Variants in ERBB4 observed in about 807,000 individuals in gnomAD.
ERBB4 encodes receptor tyrosine-protein kinase erbB-4.
In ERBB4, 42 loss-of-function variants were observed where a neutral mutation model predicts 158.0. That is an observed-to-expected ratio of 0.27 (90% CI 0.21 to 0.34). The LOEUF (loss-of-function observed/expected upper bound fraction) is 0.34, where lower values mean the gene tolerates loss of function less well. Among genes scored for constraint, ERBB4 ranks in the 10% least tolerant of loss-of-function variants. The probability of loss-of-function intolerance (pLI) is 1.00; values close to 1 mark genes in which losing one functional copy is unlikely to be tolerated. For missense variants in ERBB4, 1,333 were observed against 1,624.1 expected (o/e 0.82, Z 3.08); for synonymous variants, 583 against 558.7 (o/e 1.04, Z -0.61).
intron 20 of ERBB4, among the ~76,000 whole-genome samples, chr2:211,549,557 C>T (rs2067026680): frequency 6.6e-6 from 1 of 152,062 alleles, no homozygotes; most frequent in African/African-American, 2.4e-5. Context: ...TGATCGGGTA[C>T]AAGAGTTATG....
intron 2 of ERBB4, among the ~76,000 whole-genome samples, chr2:212,086,919 G>C (rs554756115): frequency 6.6e-6 from 1 of 152,056 alleles, no homozygotes; most frequent in African/African-American, 2.4e-5. Flanking sequence ...TCACATTCTA[G>C]ATAGGGTTAC....
intron 7 of ERBB4, among the ~76,000 whole-genome samples, chr2:211,717,784 G>A (rs138568418): frequency 0.059 from 8,951 of 152,088 alleles, 372 homozygotes; most frequent in Non-Finnish European, 0.09. Context: ...CCAAGATTGC[G>A]CCATTGCTCT....
chr2:212,293,235 A>G (rs2086274518), intron 1 of ERBB4, among the ~76,000 whole-genome samples: 1 of 152,030 alleles, frequency 6.6e-6, no homozygotes, highest in Non-Finnish European at 1.5e-5. Flanking sequence ...TGCTCATTGT[A>G]TAAGATTAAT....
chr2:211,481,378 CA>C (rs1286693934), intron 20 of ERBB4, among the ~76,000 whole-genome samples: 3 of 152,096 alleles, frequency 2.0e-5, no homozygotes, highest in African/African-American at 4.8e-5. Flanking sequence ...TGCTATTCTG[CA>C]TTCGTTTCTG....
rs1553528768 is a variant in ERBB4 at position 211,992,567 on chromosome 2, G to GAGGAAA, written c.235-44952_235-44951insTTTCCT. On this transcript the variant is annotated intron_variant, in intron 2 of 27. Coordinates refer to ENST00000342788, the MANE Select transcript of ERBB4 (RefSeq NM_005235.3). ...AGTGAGAGAGAGAGAGAGAGAGAGAGAAAAAAAAAAAAAACATGAGTTTGT... is the reference window on the plus strand; with the variant it reads ...AGTGAGAGAGAGAGAGAGAGAGAGAGAGGAAAAAAAAAAAAAAAAACATGAGTTTGT... Among the ~76,000 whole-genome samples, 48 of 125,250 alleles carry GAGGAAA rather than the reference G, an allele frequency of 3.8e-4. 3 individuals are homozygous for GAGGAAA. Among genetic ancestry groups the GAGGAAA allele is most frequent in the Admixed American group, 9.0e-4 (10 of 11,142 alleles). The allele number at this position is 125,250 out of a possible 152,430, so 82.2% of individuals were successfully genotyped here. A position where few individuals can be genotyped will look rare whatever the true frequency, so the allele number is the denominator to read the frequency against.
intron 9 of ERBB4, among the ~76,000 whole-genome samples, chr2:211,710,301 C>A (rs887894555): frequency 2.6e-5 from 4 of 152,046 alleles, no homozygotes; most frequent in Non-Finnish European, 5.9e-5. Context: ...CAATGTGAGT[C>A]AAGTGGCTCT....
In ERBB4 at chr2:212,357,751, C is replaced by G. The variant is rs191438153; in HGVS notation, c.82+180698G>C. 3.5e-3 allele frequency among the ~76,000 whole-genome samples: 538 copies of G among 151,898 alleles called. 2 individuals carry two copies. The highest frequency in any genetic ancestry group is 0.012 in the African/African-American group (508 of 41,494). Reference sequence around the variant, plus strand: ...GTGCTGCCCTCCACTGTGTGGGAGACTTGAAATTGTTCAGCCCCACGGTCA... The same window carrying G: ...GTGCTGCCCTCCACTGTGTGGGAGAGTTGAAATTGTTCAGCCCCACGGTCA... On this transcript the variant is annotated intron_variant, in intron 1 of 27. Transcript: ENST00000342788.
intron 3 of ERBB4, among the ~76,000 whole-genome samples, chr2:211,903,789 GA>G (rs1210226731): frequency 2.0e-4 from 28 of 141,106 alleles, no homozygotes; most frequent in Non-Finnish European, 2.3e-4. Context: ...AATTAAAAAA[GA>G]AAAAAAAAAG....
chr2:211,578,109 A>C (rs1392140513), intron 19 of ERBB4, among the ~76,000 whole-genome samples: 1 of 152,182 alleles, frequency 6.6e-6, no homozygotes, highest in Non-Finnish European at 1.5e-5. Context: ...GCGAAGTCTC[A>C]GGATATAAAA....
At chr2:212,419,794 C>A (rs1383905799) in intron 1 of ERBB4, among the ~76,000 whole-genome samples, 1 of 151,724 alleles carries the variant, frequency 6.6e-6, no homozygotes, top group African/African-American at 2.4e-5. Flanking sequence ...GAATTAACGT[C>A]CTATTCAATA....
At chr2:212,057,717 G>A (rs573577090) in intron 2 of ERBB4, among the ~76,000 whole-genome samples, 18 of 152,302 alleles carry the variant, frequency 1.2e-4, no homozygotes, top group African/African-American at 4.3e-4. Flanking sequence ...AAACAAAGAT[G>A]TTCTTTGAAA....
intron 21 of ERBB4, among the ~76,000 whole-genome samples, chr2:211,429,927 A>G (rs1452244263): frequency 1.3e-5 from 2 of 152,220 alleles, no homozygotes; most frequent in East Asian, 3.9e-4. Context: ...AGACAAGTGA[A>G]GCCATGTGAT....
At chr2:211,745,985 T>C (rs2074960892) in intron 5 of ERBB4, among the ~76,000 whole-genome samples, 1 of 152,276 alleles carries the variant, frequency 6.6e-6, no homozygotes, top group Admixed American at 6.5e-5. Flanking sequence ...TTTAGCCCTT[T>C]AATCATTTCC....
intron 20 of ERBB4, among the ~76,000 whole-genome samples, chr2:211,541,189 G>A (rs7579007): frequency 0.75 from 113,875 of 151,796 alleles, 43,033 homozygotes; most frequent in East Asian, 0.83. Flanking sequence ...GGCGCTCAAG[G>A]GATTTATGCT....
chr2:212,003,216 G>GAAAGAAAGAAACAGAAA (rs1491317567), intron 2 of ERBB4, among the ~76,000 whole-genome samples: 1 of 34,472 alleles, frequency 2.9e-5, no homozygotes, highest in African/African-American at 1.1e-4. Flanking sequence ...ACAGAAAGAA[G>GAAAGAAAGAAACAGAAA]GAAGGAAGGA....
At chr2:211,975,991 C>A (rs968188089) in intron 2 of ERBB4, among the ~76,000 whole-genome samples, 3 of 151,956 alleles carry the variant, frequency 2.0e-5, no homozygotes, top group African/African-American at 7.2e-5. Flanking sequence ...TTAAATAATT[C>A]TTGTATAACA....
chr2:212,152,565 A>G (rs985436126), intron 1 of ERBB4, among the ~76,000 whole-genome samples: 3 of 152,068 alleles, frequency 2.0e-5, no homozygotes, highest in African/African-American at 7.2e-5. Context: ...CTCTTAATCT[A>G]AATTTTCTCC....
intron 4 of ERBB4, among the ~76,000 whole-genome samples, chr2:211,756,089 C>T (rs941216474): frequency 2.6e-5 from 4 of 151,900 alleles, no homozygotes; most frequent in African/African-American, 7.3e-5. Context: ...TAAACCAGTC[C>T]CTATTCTTGG....
At chr2:211,913,375 G>A (rs1032011781) in intron 3 of ERBB4, among the ~76,000 whole-genome samples, 11 of 151,958 alleles carry the variant, frequency 7.2e-5, no homozygotes, top group South Asian at 2.1e-4. Context: ...TGAGGCGGGC[G>A]GATCACACTG....
Sources: gnomAD v4.1 joint callset for allele counts (sites outside exome capture counted in the v4.1 genomes callset) on GRCh38, gnomAD v4.1.1 for gene constraint, MANE v1.5 for transcripts, NCBI Gene and HGNC (gene_info 2026-07-23, HGNC 2026-07-21) for gene names.